The following PTPDC1 variants were observed in gnomAD, a reference collection of about 807,000 sequenced individuals.
PTPDC1 encodes protein tyrosine phosphatase domain containing 1.
In PTPDC1, 53 loss-of-function variants were observed where a neutral mutation model predicts 75.3. That is an observed-to-expected ratio of 0.70 (90% confidence interval 0.56 to 0.88). PTPDC1 has a LOEUF of 0.88. PTPDC1 is among the 40% of genes least tolerant of loss of function. The pLI is 0.00. For missense variants in PTPDC1, 925 were observed against 998.6 expected, an observed-to-expected ratio of 0.93 and a Z score of 0.99; for synonymous variants, 349 against 366.2, an observed-to-expected ratio of 0.95 and a Z score of 0.54.
At chr9:94,102,408 G>A (rs1479819146) in intron 7 of PTPDC1, among the ~76,000 whole-genome samples, 1 of 151,498 alleles carries the variant, frequency 6.6e-6, no homozygotes, top group African/African-American at 2.4e-5. Flanking sequence ...AAATATAGAA[G>A]GAGAAATAAG....
At chr9:94,077,215 C>G (rs1469730466) in intron 2 of PTPDC1, among the ~76,000 whole-genome samples, 1 of 152,216 alleles carries the variant, frequency 6.6e-6, no homozygotes, top group African/African-American at 2.4e-5. Flanking sequence ...TCCTGCTACA[C>G]TCTCATAACA....
chr9:94,062,475 T>C (rs1360043314), intron 1 of PTPDC1, among the ~76,000 whole-genome samples: 1 of 152,186 alleles, frequency 6.6e-6, no homozygotes, highest in African/African-American at 2.4e-5. Context: ...CATTCTCGCA[T>C]TGCTATAAAG....
At chr9:94,093,075 T>C (rs1827390023) in intron 4 of PTPDC1, among the ~76,000 whole-genome samples, 1 of 152,162 alleles carries the variant, frequency 6.6e-6, no homozygotes, top group South Asian at 2.1e-4. Flanking sequence ...GAGCATTTAG[T>C]CCATTTACAT....
intron 2 of PTPDC1, among the ~76,000 whole-genome samples, chr9:94,073,730 T>C (rs926172164): frequency 6.6e-6 from 1 of 152,242 alleles, no homozygotes; most frequent in Non-Finnish European, 1.5e-5. Flanking sequence ...CATTAAGTGA[T>C]AGAAATTTCT....
At chr9:94,107,751 C>A (rs992621681) in intron 8 of PTPDC1, 77 bp from the exon 9 acceptor site, 2 of 680,432 alleles carry the variant, frequency 2.9e-6, no homozygotes, top group African/African-American at 1.8e-5. Flanking sequence ...TTTTTCTCCA[C>A]CCCCTCCTTC....
chr9:94,034,126 A>T (rs186685821), intron 1 of PTPDC1, among the ~76,000 whole-genome samples: 2 of 152,258 alleles, frequency 1.3e-5, no homozygotes, highest in African/African-American at 4.8e-5. Flanking sequence ...TGAATTTAAC[A>T]TGGTAAGAAA....
chr9:94,044,164 G>C (rs1825516236), intron 1 of PTPDC1, among the ~76,000 whole-genome samples: 1 of 152,094 alleles, frequency 6.6e-6, no homozygotes, highest in African/African-American at 2.4e-5. Context: ...ATAAATTTTA[G>C]AATAAGCTTG....
At chr9:94,038,162 G>T (rs977711020) in intron 1 of PTPDC1, 1 of 654,038 alleles carries the variant, frequency 1.5e-6, no homozygotes, top group Non-Finnish European at 2.8e-6. Context: ...AGGTCAGGCC[G>T]TTGGATTCTC....
chr9:94,082,663 G>A (rs1207627842), upstream of PTPDC1, among the ~76,000 whole-genome samples: 3 of 152,308 alleles, frequency 2.0e-5, no homozygotes, highest in Middle Eastern at 3.4e-3. Flanking sequence ...GGAACACTGA[G>A]CAAGCATGCA....
chr9:94,046,778 A>T (rs909443711), intron 1 of PTPDC1, among the ~76,000 whole-genome samples: 1 of 152,208 alleles, frequency 6.6e-6, no homozygotes, highest in Non-Finnish European at 1.5e-5. Flanking sequence ...ATATACAATC[A>T]TGTCATCTGC....
At chr9:94,101,866 C>G (rs961377341) in intron 7 of PTPDC1, 115 bp downstream of exon 7, 9 of 585,068 alleles carry the variant, frequency 1.5e-5, no homozygotes, top group Non-Finnish European at 2.6e-5. Context: ...AAATCTAGAT[C>G]TAATTTAATA....
chr9:94,103,163 T>C (rs1827905791), intron 7 of PTPDC1, among the ~76,000 whole-genome samples: 3 of 152,202 alleles, frequency 2.0e-5, no homozygotes, highest in South Asian at 4.1e-4. Context: ...GCAATACATA[T>C]CTTTTAAGAA....
chr9:94,102,224 G>T (rs1827866080), intron 7 of PTPDC1, among the ~76,000 whole-genome samples: 1 of 151,916 alleles, frequency 6.6e-6, no homozygotes, highest in African/African-American at 2.4e-5. Flanking sequence ...GCATGCATAT[G>T]GGAAAAATTA....
At chr9:94,048,358 C>T (rs1417726444) in intron 1 of PTPDC1, among the ~76,000 whole-genome samples, 1 of 152,066 alleles carries the variant, frequency 6.6e-6, no homozygotes, top group Non-Finnish European at 1.5e-5. Context: ...ATAAATTTCC[C>T]TCTATACACT....
At chr9:94,107,337 T>C (rs1828058864) in intron 8 of PTPDC1, among the ~76,000 whole-genome samples, 1 of 152,162 alleles carries the variant, frequency 6.6e-6, no homozygotes, top group African/African-American at 2.4e-5. Context: ...ATCTCTGTTT[T>C]ACAAAGGAGG....
rs1447686927 is a variant in PTPDC1 at position 94,098,530 on chromosome 9, A to G, written c.1964A>G (p.Asn655Ser). The G allele has an allele frequency of 6.2e-7, 1 of 1,614,092 alleles. No homozygotes were observed. Among genetic ancestry groups the G allele is most frequent in the Non-Finnish European group, 8.5e-7 (1 of 1,180,030 alleles). ...ILAAKALANL[N>S]ESVEKEELKR... ...GCGGCCAAAGCCCTAGCAAATTTAA[A>G]TGAATCTGTAGAAAAGGAGGAACTA... Residue 655 changes from asparagine (N) to serine (S), a missense_variant, in exon 6 of 9, where the codon AAT becomes AGT. Transcript: ENST00000620992.
At chr9:94,043,196 A>G (rs1276789116) in intron 1 of PTPDC1, among the ~76,000 whole-genome samples, 2 of 152,212 alleles carry the variant, frequency 1.3e-5, no homozygotes, top group Non-Finnish European at 2.9e-5. Flanking sequence ...TTTGTGATTC[A>G]TAAAGGAGAG....
In PTPDC1 at chr9:94,094,038, C is replaced by T. The variant is rs951834281; in HGVS notation, c.617-1279C>T. On this transcript the variant is annotated intron_variant, in intron 4 of 8. Transcript: ENST00000620992. ...TTTGCCTTTGGTTTGAATGTCCTCCCGTAGCTCAGAGTAATTTGATCATCT... is the reference window on the plus strand; with the variant it reads ...TTTGCCTTTGGTTTGAATGTCCTCCTGTAGCTCAGAGTAATTTGATCATCT... 1.6e-4 allele frequency among the ~76,000 whole-genome samples: 24 copies of T among 152,282 alleles called. 1 individual carries two copies. Among genetic ancestry groups the T allele is most frequent in the African/African-American group, 1.4e-4 (6 of 41,544 alleles).
intron 1 of PTPDC1, among the ~76,000 whole-genome samples, chr9:94,063,670 T>G (rs1394580283): frequency 6.6e-6 from 1 of 152,176 alleles, no homozygotes; most frequent in Non-Finnish European, 1.5e-5. Context: ...AAGTAAAATT[T>G]TAGTGAACTT....
Sources: allele counts gnomAD v4.1 joint callset (sites outside exome capture counted in the v4.1 genomes callset), GRCh38; gene constraint gnomAD v4.1.1; transcripts MANE v1.5; gene names NCBI Gene and HGNC (gene_info 2026-07-23, HGNC 2026-07-21).